Variants in FTO observed in about 807,000 individuals in gnomAD.
The protein encoded by FTO is alpha-ketoglutarate-dependent dioxygenase FTO.
FTO carries 47 observed loss-of-function variants against 63.9 expected under a neutral mutation model. The observed-to-expected ratio is 0.74, with a 90% CI of 0.58 to 0.94. The LOEUF (loss-of-function observed/expected upper bound fraction) is 0.94. FTO is among the 40% of genes least tolerant of loss of function. The pLI is 0.00. For synonymous variants in FTO, 207 were observed against 224.4 expected (o/e 0.92, Z 0.69); for missense variants, 562 against 618.1 (o/e 0.91, Z 0.96).
chr16:53,707,548 C>T (rs1405467781), intron 1 of FTO, among the ~76,000 whole-genome samples: 1 of 152,162 alleles, frequency 6.6e-6, no homozygotes, highest in African/African-American at 2.4e-5. Flanking sequence ...TACATTCCTA[C>T]CAACTGTTAG....
chr16:53,882,996 C>G lies in FTO; in HGVS notation c.1119+3009C>G, dbSNP rs139249457. ...GTTCTACTTTCTCTCTTATTAGTCCCTGCTGGAGACATTGCTGATAGCCAG... is the reference window on the plus strand; with the variant it reads ...GTTCTACTTTCTCTCTTATTAGTCCGTGCTGGAGACATTGCTGATAGCCAG... On this transcript the variant is annotated intron_variant, in intron 6 of 8. Transcript: ENST00000471389. Among the ~76,000 whole-genome samples the G allele has an allele frequency of 9.2e-5, 14 of 152,260 alleles. No individual in the cohort carries two copies. In the East Asian group the frequency reaches 2.7e-3, roughly 29 times the overall value.
chr16:53,862,494 C>T (rs78186287), intron 4 of FTO, among the ~76,000 whole-genome samples: 4 of 149,226 alleles, frequency 2.7e-5, no homozygotes, highest in African/African-American at 9.9e-5. Flanking sequence ...GGAAAACATT[C>T]TTCTAGTGTT....
At chr16:53,949,711 A>AC (rs201527095) in intron 8 of FTO, among the ~76,000 whole-genome samples, 3,029 of 152,198 alleles carry the variant, frequency 0.02, 95 homozygotes, top group African/African-American at 0.069. Flanking sequence ...AAAAAAAAAA[A>AC]AAACCCAGTG....
At position 53,789,758 on chromosome 16, in the gene FTO, A is replaced by G. The variant is rs2077846968; in HGVS notation, c.46-20382A>G. 2.8e-5 allele frequency among the ~76,000 whole-genome samples: 4 copies of G among 144,078 alleles called. No individual in the cohort carries two copies. The South Asian group carries it at 8.3e-4, about 30-fold the overall frequency. 94.5% of individuals were successfully genotyped at this position (144,078 alleles called of 152,430 possible). A position where few individuals can be genotyped will look rare whatever the true frequency, so the allele number is the denominator to read the frequency against. On this transcript the variant is annotated intron_variant, in intron 1 of 8. Coordinates refer to ENST00000471389, the MANE Select transcript of FTO (RefSeq NM_001080432.3). ...TTTATAGTGTCTGGAACATACATAT[A>G]TATATATATACACACACACACACAT...
intron 6 of FTO, among the ~76,000 whole-genome samples, chr16:53,882,819 T>C (rs1207598099): frequency 6.6e-6 from 1 of 152,228 alleles, no homozygotes. Context: ...TTATAAGTTA[T>C]TTAATATCTT....
intron 6 of FTO, among the ~76,000 whole-genome samples, chr16:53,883,724 G>A (rs1567396982): frequency 6.6e-6 from 1 of 150,866 alleles, no homozygotes; most frequent in African/African-American, 2.4e-5. Flanking sequence ...GAGATGTACT[G>A]TATCAGAAAC....
intron 7 of FTO, among the ~76,000 whole-genome samples, chr16:53,900,003 C>T (rs960940508): frequency 6.6e-6 from 1 of 152,160 alleles, no homozygotes; most frequent in Non-Finnish European, 1.5e-5. Flanking sequence ...TTTTCTTCCT[C>T]CCCACCAACC....
At chr16:53,995,226 T>C (rs2083907106) in intron 8 of FTO, among the ~76,000 whole-genome samples, 1 of 152,350 alleles carries the variant, frequency 6.6e-6, no homozygotes. Context: ...AGTGAGCCCG[T>C]TGAGGGCGAA....
chr16:53,926,703 A>G (rs927936629), intron 7 of FTO, among the ~76,000 whole-genome samples: 1 of 152,238 alleles, frequency 6.6e-6, no homozygotes, highest in African/African-American at 2.4e-5. Flanking sequence ...TGGCAAAGGT[A>G]CAAATCGAAG....
chr16:53,929,659 G>A lies in FTO; in HGVS notation c.1240-4326G>A, dbSNP rs143127970. Among the ~76,000 whole-genome samples the A allele has an allele frequency of 2.4e-3, 363 of 152,256 alleles. 1 individual carries two copies. The highest frequency in any genetic ancestry group is 0.01 in the Middle Eastern group (3 of 294). On this transcript the variant is annotated intron_variant, in intron 7 of 8. Transcript: ENST00000471389. ...GTAGTATTTTGCATTCCTCCTAGTAGTGTCTCAACTTTTAAAAACTTAAAT... is the reference window on the plus strand; with the variant it reads ...GTAGTATTTTGCATTCCTCCTAGTAATGTCTCAACTTTTAAAAACTTAAAT...
At chr16:54,050,998 G>A (rs1419198946) in intron 8 of FTO, among the ~76,000 whole-genome samples, 1 of 152,168 alleles carries the variant, frequency 6.6e-6, no homozygotes, top group Non-Finnish European at 1.5e-5. Flanking sequence ...GTTATCTGGA[G>A]ATAGACATCT....
At chr16:53,728,250 A>C (rs78664897) in intron 1 of FTO, among the ~76,000 whole-genome samples, 1 of 152,114 alleles carries the variant, frequency 6.6e-6, no homozygotes, top group South Asian at 2.1e-4. Context: ...TAAAAAAAAA[A>C]GTCAGAAGAC....
intron 8 of FTO, among the ~76,000 whole-genome samples, chr16:54,057,207 T>C (rs1255664143): frequency 6.6e-6 from 1 of 152,224 alleles, no homozygotes; most frequent in East Asian, 1.9e-4. Flanking sequence ...TAACTTTCAC[T>C]TAGCTTAGCT....
At chr16:53,714,328 A>G (rs897431232) in intron 1 of FTO, among the ~76,000 whole-genome samples, 2 of 152,208 alleles carry the variant, frequency 1.3e-5, no homozygotes, top group Non-Finnish European at 2.9e-5. Flanking sequence ...CAGTAATAAT[A>G]TAAAATGGGC....
chr16:54,032,425 A>G (rs1001775442), intron 8 of FTO, among the ~76,000 whole-genome samples: 1 of 152,202 alleles, frequency 6.6e-6, no homozygotes, highest in African/African-American at 2.4e-5. Context: ...CATGTAAATT[A>G]GCTATTGGGA....
chr16:53,798,951 G>T (rs954538755), intron 1 of FTO, among the ~76,000 whole-genome samples: 2 of 152,122 alleles, frequency 1.3e-5, no homozygotes, highest in African/African-American at 4.8e-5. Context: ...GGTCATTGTT[G>T]GGTATTGTCT....
chr16:54,041,375 C>T (rs1343898831), intron 8 of FTO, among the ~76,000 whole-genome samples: 5 of 152,092 alleles, frequency 3.3e-5, no homozygotes, highest in African/African-American at 9.7e-5. Flanking sequence ...CCAATCACCT[C>T]CCACCACTCC....
At chr16:54,005,205 T>A (rs1206585578) in intron 8 of FTO, among the ~76,000 whole-genome samples, 2 of 148,950 alleles carry the variant, frequency 1.3e-5, no homozygotes, top group Admixed American at 1.3e-4. Flanking sequence ...TCTATCCCAT[T>A]TTTCTAGTGG....
At chr16:53,878,643 A>C (rs2080736333) in intron 5 of FTO, among the ~76,000 whole-genome samples, 1 of 152,202 alleles carries the variant, frequency 6.6e-6, no homozygotes, top group Admixed American at 6.5e-5. Flanking sequence ...CATTTTCCTC[A>C]TTGGGACTGA....
Sources: gnomAD v4.1 joint callset for allele counts (sites outside exome capture counted in the v4.1 genomes callset) on GRCh38, gnomAD v4.1.1 for gene constraint, MANE v1.5 for transcripts, NCBI Gene and HGNC (gene_info 2026-07-23, HGNC 2026-07-21) for gene names.